Variants in TENM3 observed in about 807,000 individuals in gnomAD.
The protein encoded by TENM3 is teneurin transmembrane protein 3.
In TENM3, 63 loss-of-function variants were observed where a neutral mutation model predicts 255.1. The ratio of observed to expected loss-of-function variants is 0.25; its 90% CI spans 0.20 to 0.30. The LOEUF (loss-of-function observed/expected upper bound fraction) is 0.30. Among genes scored for constraint, TENM3 ranks in the 10% least tolerant of loss-of-function variants. The probability of loss-of-function intolerance (pLI) is 1.00; values close to 1 mark genes in which losing one functional copy is unlikely to be tolerated. For synonymous variants in TENM3, 1,306 were observed against 1,322.3 expected, an observed-to-expected ratio of 0.99 and a Z score of 0.27; for missense variants, 2,929 against 3,461.1, an observed-to-expected ratio of 0.85 and a Z score of 3.86.
the TENM3 span, among the ~76,000 whole-genome samples, chr4:181,998,259 T>C: frequency 6.6e-6 from 1 of 152,200 alleles, no homozygotes; most frequent in African/African-American, 2.4e-5. Context: ...TGATTTGTTC[T>C]CTACTGGTAA....
the TENM3 span, among the ~76,000 whole-genome samples, chr4:181,641,018 GT>G: frequency 2.6e-4 from 40 of 152,200 alleles, 1 homozygote; most frequent in East Asian, 7.8e-3. Flanking sequence ...TGAAAAACTG[GT>G]AATCACACAA....
chr4:182,668,759 A>G (rs1754944367), intron 6 of TENM3, among the ~76,000 whole-genome samples: 1 of 152,218 alleles, frequency 6.6e-6, no homozygotes, highest in South Asian at 2.1e-4. Context: ...AGGCAAGAAT[A>G]CCTAGCTTAT....
the TENM3 span, among the ~76,000 whole-genome samples, chr4:181,466,208 C>T: frequency 3.3e-5 from 5 of 151,646 alleles, no homozygotes; most frequent in Non-Finnish European, 7.4e-5. Context: ...ACCTCCGCCT[C>T]ACTGGTTCAA....
At chr4:182,585,502 C>G (rs1340450409) in intron 3 of TENM3, among the ~76,000 whole-genome samples, 2 of 152,162 alleles carry the variant, frequency 1.3e-5, no homozygotes, top group Non-Finnish European at 2.9e-5. Flanking sequence ...GAGGGCTTTG[C>G]TCTCCTGCAT....
At chr4:182,215,972 G>A (rs546516307) in intron 1 of TENM3, among the ~76,000 whole-genome samples, 3 of 152,286 alleles carry the variant, frequency 2.0e-5, no homozygotes, top group African/African-American at 7.2e-5. Flanking sequence ...TGGAGAAAAC[G>A]ACACTACCCC....
chr4:181,522,023 C>T, the TENM3 span, among the ~76,000 whole-genome samples: 8 of 141,044 alleles, frequency 5.7e-5, no homozygotes, highest in Middle Eastern at 4.3e-3. Context: ...ATGGCGTGAA[C>T]GCGGGAGGCA....
At chr4:181,475,241 C>T in the TENM3 span, among the ~76,000 whole-genome samples, 533 of 152,258 alleles carry the variant, frequency 3.5e-3, no homozygotes, top group Middle Eastern at 0.02. Context: ...TATTTGGGCC[C>T]CTATAGACCA....
chr4:181,969,060 AAC>A, the TENM3 span, among the ~76,000 whole-genome samples: 6 of 150,564 alleles, frequency 4.0e-5, no homozygotes, highest in African/African-American at 1.2e-4. Flanking sequence ...CCCATACACA[AAC>A]ACACACACAC....
chr4:181,885,512 C>T, the TENM3 span, among the ~76,000 whole-genome samples: 2 of 152,248 alleles, frequency 1.3e-5, no homozygotes, highest in African/African-American at 4.8e-5. Context: ...CTGCCCGCCT[C>T]GGCCTCCCAA....
At chr4:181,885,819 T>C in the TENM3 span, among the ~76,000 whole-genome samples, 1 of 152,178 alleles carries the variant, frequency 6.6e-6, no homozygotes, top group East Asian at 1.9e-4. Flanking sequence ...GTTAACAAAA[T>C]AATATGATGT....
the TENM3 span, among the ~76,000 whole-genome samples, chr4:181,884,590 A>T: frequency 6.6e-6 from 1 of 152,192 alleles, no homozygotes; most frequent in African/African-American, 2.4e-5. Flanking sequence ...ATTTAACAGC[A>T]TAATGTTTTC....
chr4:182,058,638 C>A, the TENM3 span, among the ~76,000 whole-genome samples: 1 of 151,952 alleles, frequency 6.6e-6, no homozygotes, highest in Admixed American at 6.6e-5. Context: ...CTTCTAACAC[C>A]TTTATATATC....
the TENM3 span, among the ~76,000 whole-genome samples, chr4:181,505,137 G>A: frequency 6.6e-6 from 1 of 152,184 alleles, no homozygotes; most frequent in Admixed American, 6.5e-5. Context: ...TATCAGGTGT[G>A]CTGTGAGAAG....
At chr4:182,518,546 T>C (rs769668935) in intron 3 of TENM3, among the ~76,000 whole-genome samples, 4 of 152,110 alleles carry the variant, frequency 2.6e-5, no homozygotes, top group East Asian at 1.9e-4. Context: ...TGCTGTGTTA[T>C]GAAGCTGCTG....
Position 182,754,728 on chromosome 4 carries a change from C to T in TENM3, c.4361C>T (p.Ala1454Val), listed in dbSNP as rs377724697. The T allele has an allele frequency of 6.2e-7, 1 of 1,614,038 alleles. No homozygotes were observed. Residue 1454 changes from alanine to valine, a missense_variant, in exon 22 of 28, where the codon GCC becomes GTC. By Grantham distance (64) the Ala-to-Val change is moderately conservative. Transcript: ENST00000511685. This position sits in a 1 kb window ranked among gnomAD's most constrained non-coding sequence, Gnocchi z 5.1. ...TCAGAGTGTGACTGCAAAAATGATG[C>T]CAACTGTGACTGTTACCAGAGTGGA... Reference protein sequence around the residue: ...IPSECDCKNDANCDCYQSGDG... With the variant: ...IPSECDCKNDVNCDCYQSGDG...
intron 3 of TENM3, among the ~76,000 whole-genome samples, chr4:182,493,789 T>C (rs542698422): frequency 2.6e-5 from 4 of 152,248 alleles, no homozygotes; most frequent in African/African-American, 4.8e-5. Context: ...CAAATAGATA[T>C]TGTATTTGGA....
At chr4:182,206,714 A>T (rs1429034396) in intron 1 of TENM3, among the ~76,000 whole-genome samples, 1 of 152,172 alleles carries the variant, frequency 6.6e-6, no homozygotes, top group African/African-American at 2.4e-5. Flanking sequence ...CCTGGAAGTC[A>T]TTCCAGAGTT....
chr4:181,877,349 A>G, the TENM3 span, among the ~76,000 whole-genome samples: 1 of 152,210 alleles, frequency 6.6e-6, no homozygotes, highest in Non-Finnish European at 1.5e-5. Flanking sequence ...GGTTGGATAT[A>G]AAAAATAAGG....
intron 3 of TENM3, among the ~76,000 whole-genome samples, chr4:182,393,352 C>T (rs113868460): frequency 0.046 from 6,929 of 152,160 alleles, 514 homozygotes; most frequent in African/African-American, 0.15. Context: ...TCTTTTCACC[C>T]GCCATAATAT....
Sources: allele counts gnomAD v4.1 joint callset (sites outside exome capture counted in the v4.1 genomes callset), GRCh38; gene constraint gnomAD v4.1.1; non-coding constraint Gnocchi (gnomAD v3.1); transcripts MANE v1.5; gene names NCBI Gene and HGNC (gene_info 2026-07-23, HGNC 2026-07-21).